Variants in HSD17B12 observed in about 807,000 individuals in gnomAD.
HSD17B12 encodes hydroxysteroid 17-beta dehydrogenase 12, also known as very-long-chain 3-oxoacyl-CoA reductase.
Under a neutral mutation model 39.3 loss-of-function variants are expected in HSD17B12, and 32 were observed. The ratio of observed to expected loss-of-function variants is 0.81; its 90% CI spans 0.61 to 1.09. HSD17B12 has a LOEUF of 1.09. Ranked by LOEUF, HSD17B12 falls within the 50% of genes least tolerant of loss-of-function variation. The probability of loss-of-function intolerance (pLI) is 0.00; values close to 1 mark genes in which losing one functional copy is unlikely to be tolerated. For synonymous variants in HSD17B12, 150 were observed against 146.7 expected (o/e 1.02, Z -0.16); for missense variants, 342 against 382.9 (o/e 0.89, Z 0.89).
At chr11:43,632,434 G>C in the HSD17B12 span, among the ~76,000 whole-genome samples, 4 of 152,174 alleles carry the variant, frequency 2.6e-5, no homozygotes, top group African/African-American at 7.2e-5. Flanking sequence ...TGTGAACTTC[G>C]TTTTAAAAGA....
chr11:43,589,388 A>T, the HSD17B12 span, among the ~76,000 whole-genome samples: 2 of 152,208 alleles, frequency 1.3e-5, no homozygotes, highest in Admixed American at 6.5e-5. Flanking sequence ...TGGTCCCTAC[A>T]TTTTCTGGGT....
chr11:43,650,984 C>G, the HSD17B12 span, among the ~76,000 whole-genome samples: 4 of 152,184 alleles, frequency 2.6e-5, no homozygotes, highest in Admixed American at 2.6e-4. Flanking sequence ...ATCCTTGTTT[C>G]AGACACGCAC....
intron 1 of HSD17B12, among the ~76,000 whole-genome samples, chr11:43,711,885 A>G (rs534275099): frequency 6.6e-6 from 1 of 152,288 alleles, no homozygotes; most frequent in East Asian, 1.9e-4. Flanking sequence ...ATAAAGATAT[A>G]CATTGTAAAG....
chr11:43,596,769 C>T, the HSD17B12 span, among the ~76,000 whole-genome samples: 4 of 152,176 alleles, frequency 2.6e-5, no homozygotes, highest in Non-Finnish European at 4.4e-5. Flanking sequence ...TTATGAAAGA[C>T]GAAATATCTG....
chr11:43,835,948 C>T (rs749557252), intron 7 of HSD17B12, among the ~76,000 whole-genome samples: 4 of 152,048 alleles, frequency 2.6e-5, no homozygotes, highest in Non-Finnish European at 5.9e-5. Context: ...ATGACTTTTC[C>T]TGTACTTAGA....
Position 43,762,854 on chromosome 11 carries a change from A to G in HSD17B12, c.283+8733A>G, listed in dbSNP as rs143298787. On this transcript the variant is annotated intron_variant, in intron 3 of 10. Transcript: ENST00000278353. ...TGCATAGAATCATGAATATGTTTCTATTCATCCTGAAAAGTAGTACATGTT... is the reference window on the plus strand; with the variant it reads ...TGCATAGAATCATGAATATGTTTCTGTTCATCCTGAAAAGTAGTACATGTT... Among the ~76,000 whole-genome samples the G allele has an allele frequency of 9.8e-5, 15 of 152,340 alleles. No individual in the cohort carries two copies. The East Asian group carries it at 2.7e-3, about 27-fold the overall frequency.
chr11:43,608,046 C>T, the HSD17B12 span, among the ~76,000 whole-genome samples: 2 of 152,108 alleles, frequency 1.3e-5, no homozygotes, highest in Non-Finnish European at 2.9e-5. Flanking sequence ...GGTGATGGTT[C>T]CTTCAAGAGG....
intron 9 of HSD17B12, among the ~76,000 whole-genome samples, chr11:43,840,572 A>G (rs996892139): frequency 2.0e-5 from 3 of 151,864 alleles, no homozygotes; most frequent in African/African-American, 7.3e-5. Context: ...CTGGCAACCT[A>G]TCTATCTCTA....
the HSD17B12 span, among the ~76,000 whole-genome samples, chr11:43,630,689 AGGG>A: frequency 6.6e-6 from 1 of 152,212 alleles, no homozygotes; most frequent in Non-Finnish European, 1.5e-5. Flanking sequence ...TTGGTAATGA[AGGG>A]TACAAAAGGA....
In HSD17B12 at chr11:43,810,370, TATATATATA is replaced by T. The variant is rs577592840; in HGVS notation, c.392-5066_392-5058del. Among the ~76,000 whole-genome samples the T allele has an allele frequency of 8.2e-3, 860 of 104,824 alleles. 14 individuals carry two copies. The highest frequency in any genetic ancestry group is 0.035 in the African/African-American group (764 of 22,142). The allele number at this position is 104,824 out of a possible 152,430, so 68.8% of individuals were successfully genotyped here. On this transcript the variant is annotated intron_variant, in intron 4 of 10. Transcript: ENST00000278353. The stretch of plus-strand genomic sequence containing the variant: ...TTAAAGCAGTATAATTTAGAAATTA[TATATATATA>T]TATATATATATATATATATATATAA...
chr11:43,804,093 A>G lies in HSD17B12; in HGVS notation c.391+5666A>G, dbSNP rs1203494576. The stretch of plus-strand genomic sequence containing the variant: ...GACAATACTTTTTTCAAATTCTACT[A>G]CTATGACTTTTTTAACTTTGTGAGA... On this transcript the variant is annotated intron_variant, in intron 4 of 10. Coordinates refer to ENST00000278353, the MANE Select transcript of HSD17B12 (RefSeq NM_016142.3). 4.6e-5 allele frequency among the ~76,000 whole-genome samples: 7 copies of G among 152,306 alleles called. No homozygotes were observed. The East Asian group carries it at 1.3e-3, about 29-fold the overall frequency.
At chr11:43,750,122 A>G (rs1421759501) in intron 1 of HSD17B12, among the ~76,000 whole-genome samples, 2 of 151,600 alleles carry the variant, frequency 1.3e-5, no homozygotes, top group Non-Finnish European at 3.0e-5. Context: ...GTAAGTATGT[A>G]CTTAAGTGTA....
At chr11:43,821,832 C>T (rs749502419) in intron 6 of HSD17B12, among the ~76,000 whole-genome samples, 2 of 152,136 alleles carry the variant, frequency 1.3e-5, no homozygotes, top group Non-Finnish European at 2.9e-5. Flanking sequence ...TTAACAGCTA[C>T]CAAATTTGGG....
chr11:43,766,108 A>G (rs1247145167), intron 3 of HSD17B12, among the ~76,000 whole-genome samples: 1 of 152,238 alleles, frequency 6.6e-6, no homozygotes, highest in East Asian at 1.9e-4. Context: ...TACAGGCGTG[A>G]GCCACCGTGC....
intron 1 of HSD17B12, among the ~76,000 whole-genome samples, chr11:43,686,794 A>G (rs1295607354): frequency 6.6e-6 from 1 of 152,140 alleles, no homozygotes; most frequent in Non-Finnish European, 1.5e-5. Flanking sequence ...ATAACTTGTT[A>G]TTATTATAGT....
chr11:43,761,485 A>C (rs116288048), intron 3 of HSD17B12, among the ~76,000 whole-genome samples: 3,111 of 152,308 alleles, frequency 0.02, 105 homozygotes, highest in African/African-American at 0.071. Context: ...CCCCAAACTT[A>C]TTGTGGTAAA....
chr11:43,654,480 T>A, the HSD17B12 span, among the ~76,000 whole-genome samples: 1 of 152,096 alleles, frequency 6.6e-6, no homozygotes, highest in African/African-American at 2.4e-5. Context: ...CATGCCTATG[T>A]CCTGAATGGT....
At chr11:43,792,348 G>A (rs1455380007) in intron 3 of HSD17B12, among the ~76,000 whole-genome samples, 6 of 152,042 alleles carry the variant, frequency 3.9e-5, no homozygotes, top group Non-Finnish European at 8.8e-5. Flanking sequence ...TTTAAAAAAC[G>A]TGCGAGACAT....
At chr11:43,682,445 G>A (rs1288455895) in intron 1 of HSD17B12, among the ~76,000 whole-genome samples, 1 of 151,658 alleles carries the variant, frequency 6.6e-6, no homozygotes, top group Non-Finnish European at 1.5e-5. Flanking sequence ...CAGAGGCTGA[G>A]GCAAGAGAAT....
Sources: allele counts gnomAD v4.1 joint callset (sites outside exome capture counted in the v4.1 genomes callset), GRCh38; gene constraint gnomAD v4.1.1; transcripts MANE v1.5; gene names NCBI Gene and HGNC (gene_info 2026-07-23, HGNC 2026-07-21).